ANXA5: variants seen among roughly 807,000 people sequenced by gnomAD.
The protein encoded by ANXA5 is CBP-I.
Under a neutral mutation model 48.1 loss-of-function variants are expected in ANXA5, and 40 were observed. The ratio of observed to expected loss-of-function variants is 0.83; its 90% CI spans 0.65 to 1.08. ANXA5 has a LOEUF of 1.08. ANXA5 is among the 50% of genes least tolerant of loss of function. The pLI is 0.00. For synonymous variants in ANXA5, 113 were observed against 129.1 expected (o/e 0.88, Z 0.85); for missense variants, 357 against 376.8 (o/e 0.95, Z 0.44).
At chr4:121,677,814 ACATT>A in intron 8 of ANXA5, 76 bp downstream of exon 8, 1 of 1,204,696 alleles carries the variant, frequency 8.3e-7, no homozygotes, top group East Asian at 2.3e-5. Flanking sequence ...ATTACAACAT[ACATT>A]GTGATTTTTC....
intron 2 of ANXA5, among the ~76,000 whole-genome samples, chr4:121,691,549 C>T (rs923602503): frequency 1.3e-5 from 2 of 152,090 alleles, no homozygotes; most frequent in African/African-American, 4.8e-5. Flanking sequence ...CCTCCCCCCA[C>T]CTCCAGCATT....
rs1578445708 is a variant in ANXA5 at position 121,684,692 on chromosome 4, C to T, written c.174G>A (p.Lys58=). The stretch of plus-strand genomic sequence containing the variant: ...GTGGTCTTACCCTGCCAAACAGAGT[C>T]TTAAAAGCTGCAGAGATTTCCTGGC... The part of the protein sequence containing the change: ...AQRQEISAAF[K]TLFGRDLLDD... The change falls in exon 4 of 13, where the codon AAG becomes AAA. Residue 58 remains lysine (K), a synonymous_variant. Coordinates refer to ENST00000296511, the MANE Select transcript of ANXA5 (RefSeq NM_001154.4). 2.5e-6 allele frequency: 4 copies of T among 1,613,938 alleles called. No homozygotes were observed. The highest frequency in any genetic ancestry group is 3.4e-6 in the Non-Finnish European group (4 of 1,179,872).
chr4:121,678,384 A>C, intron 7 of ANXA5, 31 bp downstream of exon 7: 1 of 1,587,360 alleles, frequency 6.3e-7, no homozygotes, highest in South Asian at 1.1e-5. Context: ...CAGGCTTTTT[A>C]ATCAAACTGT....
chr4:121,687,254 C>T (rs186457269), intron 2 of ANXA5, among the ~76,000 whole-genome samples: 2,208 of 149,730 alleles, frequency 0.015, 24 homozygotes, highest in Non-Finnish European at 0.023. Context: ...GAGCCAAGAT[C>T]GCGCCACTGC....
chr4:121,690,402 T>C (rs937000125), intron 2 of ANXA5, among the ~76,000 whole-genome samples: 5 of 152,064 alleles, frequency 3.3e-5, no homozygotes, highest in African/African-American at 1.2e-4. Context: ...CAGTGTCCAA[T>C]ACCACAGGAA....
intron 6 of ANXA5, among the ~76,000 whole-genome samples, chr4:121,679,814 A>G (rs1488619123): frequency 6.6e-6 from 1 of 152,216 alleles, no homozygotes; most frequent in African/African-American, 2.4e-5. Context: ...ATATATGTGT[A>G]CGTTGTGAAA....
intron 9 of ANXA5, among the ~76,000 whole-genome samples, chr4:121,672,073 G>T (rs1724622884): frequency 6.6e-6 from 1 of 152,172 alleles, no homozygotes; most frequent in Non-Finnish European, 1.5e-5. Flanking sequence ...AAAGATCTCA[G>T]GTCCTGCCAA....
At chr4:121,695,986 G>A (rs1399871981) in intron 2 of ANXA5, among the ~76,000 whole-genome samples, 1 of 151,264 alleles carries the variant, frequency 6.6e-6, no homozygotes, top group Non-Finnish European at 1.5e-5. Flanking sequence ...AAATTCAATT[G>A]AGAACTCGTT....
chr4:121,668,535 C>A lies in ANXA5; in HGVS notation c.904-8G>T. On this transcript the variant is annotated splice_polypyrimidine_tract_variant and splice_region_variant and intron_variant, in intron 12 of 12. Transcript: ENST00000296511. ...GTCCCCAGATGTATCTCCCTGAAAC[C>A]AAATGTATTCCATTAACCTCCATGA... 1 of 1,612,408 alleles carries A rather than the reference C, an allele frequency of 6.2e-7. No individual in the cohort carries two copies. Among genetic ancestry groups the A allele is most frequent in the Non-Finnish European group, 8.5e-7 (1 of 1,178,760 alleles).
rs574009283 is a variant in ANXA5, at chr4:121,679,953, T to C, written c.395-1459A>G. Among the ~76,000 whole-genome samples, 5 of 152,290 alleles carry C rather than the reference T, an allele frequency of 3.3e-5. 1 individual carries two copies. The highest frequency in any genetic ancestry group is 1.2e-4 in the African/African-American group (5 of 41,556). ...GCATATAATAGTTATACTTTCACTA[T>C]AGTCACCACGCTGTTCATGAGATCC... On this transcript the variant is annotated intron_variant, in intron 6 of 12. Transcript: ENST00000296511.
chr4:121,669,349 A>G lies in ANXA5; in HGVS notation c.903+253T>C, dbSNP rs1024431505. ...GGCAAGGGGTTTGGTTTGTTGAGTCATCTGTTACCACTACTAAATAATGCT... is the reference window on the plus strand; with the variant it reads ...GGCAAGGGGTTTGGTTTGTTGAGTCGTCTGTTACCACTACTAAATAATGCT... On this transcript the variant is annotated intron_variant, in intron 12 of 12. Transcript: ENST00000296511. The G allele has an allele frequency of 3.2e-5, 13 of 402,062 alleles. No homozygotes were observed. In the South Asian group the frequency reaches 5.3e-4, roughly 16 times the overall value. The allele number at this position is 402,062 out of a possible 1,614,324, so 24.9% of individuals were successfully genotyped here.
At position 121,682,086 on chromosome 4, in the gene ANXA5, T is replaced by C. The variant is rs533593414; in HGVS notation, c.304-325A>G. Among the ~76,000 whole-genome samples, 206 of 152,244 alleles carry C rather than the reference T, an allele frequency of 1.4e-3. 3 individuals carry two copies. The highest frequency in any genetic ancestry group is 3.6e-3 in the African/African-American group (150 of 41,552). The stretch of plus-strand genomic sequence containing the variant: ...TTAATTCTAGCTTAAAAGTAAAACA[T>C]TTTCATGAAACATGAAGTAATTTTT... On this transcript the variant is annotated intron_variant, in intron 5 of 12. Coordinates refer to ENST00000296511, the MANE Select transcript of ANXA5 (RefSeq NM_001154.4).
chr4:121,678,841 A>T (rs1724743982), intron 6 of ANXA5, among the ~76,000 whole-genome samples: 1 of 152,222 alleles, frequency 6.6e-6, no homozygotes, highest in African/African-American at 2.4e-5. Context: ...GCTTTCTTTC[A>T]AATCTTTTAT....
intron 7 of ANXA5, 98 bp downstream of exon 7, chr4:121,678,317 A>G: frequency 1.0e-6 from 1 of 982,390 alleles, no homozygotes; most frequent in Non-Finnish European, 1.5e-6. Flanking sequence ...AAGTACCACA[A>G]ATTATTAAAA....
chr4:121,669,571 C>T, intron 12 of ANXA5, 31 bp downstream of exon 12: 1 of 1,611,924 alleles, frequency 6.2e-7, no homozygotes, highest in Non-Finnish European at 8.5e-7. Context: ...CTTTGGATTC[C>T]CAAACGTAAT....
intron 2 of ANXA5, among the ~76,000 whole-genome samples, chr4:121,695,758 T>C (rs780451276): frequency 6.6e-6 from 1 of 151,962 alleles, no homozygotes; most frequent in Non-Finnish European, 1.5e-5. Context: ...CAAAATTAGC[T>C]GGGCATGGTG....
At chr4:121,694,107 G>A (rs1326025963) in intron 2 of ANXA5, among the ~76,000 whole-genome samples, 1 of 43,604 alleles carries the variant, frequency 2.3e-5, no homozygotes. Flanking sequence ...GTGGGCGGGG[G>A]GGAGGGGGGA....
At chr4:121,691,318 G>A (rs17450274) in intron 2 of ANXA5, among the ~76,000 whole-genome samples, 32,618 of 70,376 alleles carry the variant, frequency 0.46, 4,157 homozygotes, top group Non-Finnish European at 0.54. Context: ...CAAGGACTAG[G>A]TATGCCAAAA....
At chr4:121,672,670 C>T in intron 8 of ANXA5, 44 bp from the exon 9 acceptor site, 1 of 1,431,030 alleles carries the variant, frequency 7.0e-7, no homozygotes, top group Non-Finnish European at 9.8e-7. Flanking sequence ...TCCTCCATCT[C>T]ATTTCCAGGT....
Sources: gnomAD v4.1 joint callset for allele counts (sites outside exome capture counted in the v4.1 genomes callset) on GRCh38, gnomAD v4.1.1 for gene constraint, MANE v1.5 for transcripts, NCBI Gene and HGNC (gene_info 2026-07-23, HGNC 2026-07-21) for gene names.